The following PFKFB1 variants were observed in gnomAD, a reference collection of about 807,000 sequenced individuals.
The protein encoded by PFKFB1 is 6-phosphofructo-2-kinase/fructose-2,6-biphosphatase 1.
A neutral mutation model predicts 46.4 loss-of-function variants in PFKFB1; 34 were observed. The observed-to-expected ratio is 0.73, with a 90% confidence interval of 0.56 to 0.98. PFKFB1 has a LOEUF of 0.98. Ranked by LOEUF, PFKFB1 falls within the 50% of genes least tolerant of loss-of-function variation. The pLI is 0.00. For missense variants in PFKFB1, 393 were observed against 376.3 expected, an observed-to-expected ratio of 1.04 and a Z score of -0.37; for synonymous variants, 119 against 133.8, an observed-to-expected ratio of 0.89 and a Z score of 0.76.
chrX:54,950,357 C>T (rs1933934020), intron 8 of PFKFB1, among the ~76,000 whole-genome samples: 1 of 111,691 alleles, frequency 9.0e-6, no homozygotes, highest in East Asian at 2.8e-4. Flanking sequence ...GGCCTCATAT[C>T]CAAAGAGCAT....
chrX:54,994,432 G>A, upstream of PFKFB1: 1 of 753,451 alleles, frequency 1.3e-6, no homozygotes, highest in Non-Finnish European at 1.6e-6. Flanking sequence ...CTTACAGCCT[G>A]TGTGGGGTAT....
chrX:54,967,407 T>A (rs889284303), intron 1 of PFKFB1, among the ~76,000 whole-genome samples: 1 of 110,349 alleles, frequency 9.1e-6, no homozygotes, highest in Non-Finnish European at 1.9e-5. Flanking sequence ...GACATAGGCA[T>A]GGGCAAGGAC....
At chrX:54,952,445 A>T (rs1295654950) in intron 7 of PFKFB1, among the ~76,000 whole-genome samples, 1 of 111,228 alleles carries the variant, frequency 9.0e-6, no homozygotes, top group Non-Finnish European at 1.9e-5. Flanking sequence ...GTCAGAGAGA[A>T]GCAGTATCCT....
chrX:54,935,072 G>T, intron 11 of PFKFB1, 63 bp from the exon 12 acceptor site: 1 of 899,115 alleles, frequency 1.1e-6, no homozygotes, highest in Non-Finnish European at 1.6e-6. Flanking sequence ...GCCTCCCCAG[G>T]CCCCCAGGCT....
intron 1 of PFKFB1, among the ~76,000 whole-genome samples, chrX:54,983,445 G>T (rs1935044151): frequency 9.0e-6 from 1 of 111,532 alleles, no homozygotes; most frequent in African/African-American, 3.3e-5. Flanking sequence ...GTTCCTTTTA[G>T]GTTGCTAAGT....
At position 54,984,777 on chromosome X, in the gene PFKFB1, T is replaced by C. The variant is rs998400811; in HGVS notation, c.97+9134A>G. Among the ~76,000 whole-genome samples, 3 of 111,592 alleles carry C rather than the reference T, an allele frequency of 2.7e-5. No homozygotes were observed. In the South Asian group the frequency reaches 1.1e-3, roughly 42 times the overall value. On this transcript the variant is annotated intron_variant, in intron 1 of 13. Transcript: ENST00000375006. Reference sequence around the variant, plus strand: ...ATTTAGCATTCCCTTCAGCTCAGAATTGCAGAGGCTAAATTCCTGGCAAGT... The same window carrying C: ...ATTTAGCATTCCCTTCAGCTCAGAACTGCAGAGGCTAAATTCCTGGCAAGT...
rs1428051699 is a variant in PFKFB1 at position 54,964,931 on chromosome X, G to A, written c.98-1549C>T. Among the ~76,000 whole-genome samples, 12 of 110,931 alleles carry A rather than the reference G, an allele frequency of 1.1e-4. 1 individual carries two copies. Among genetic ancestry groups the A allele is most frequent in the South Asian group, 7.7e-4 (2 of 2,609 alleles). Reference sequence around the variant, plus strand: ...TTTGATGTGCTCATCAGTAGACTCCGCACAGCTGAGGCATCAGTGAACTTG... The same window carrying A: ...TTTGATGTGCTCATCAGTAGACTCCACACAGCTGAGGCATCAGTGAACTTG... On this transcript the variant is annotated intron_variant, in intron 1 of 13. Transcript: ENST00000375006.
At chrX:54,961,264 A>G (rs775664288) in intron 2 of PFKFB1, among the ~76,000 whole-genome samples, 30 of 110,904 alleles carry the variant, frequency 2.7e-4, no homozygotes, top group Admixed American at 9.6e-4. Flanking sequence ...ATAAATGCCA[A>G]TCCTTAAAAT....
upstream of PFKFB1, chrX:54,998,465 T>C (rs1935387591): frequency 8.8e-7 from 1 of 1,138,223 alleles, no homozygotes; most frequent in East Asian, 3.3e-5. Context: ...TTCTCTTGCA[T>C]TTACAGACCC....
intron 1 of PFKFB1, 80 bp from the exon 2 acceptor site, chrX:54,963,462 T>G: frequency 3.0e-6 from 3 of 1,006,942 alleles, no homozygotes; most frequent in Non-Finnish European, 4.1e-6. Flanking sequence ...TGTAGAGTTG[T>G]AAAGAACATG....
intron 8 of PFKFB1, among the ~76,000 whole-genome samples, chrX:54,950,364 G>A (rs1243731322): frequency 9.0e-6 from 1 of 111,633 alleles, no homozygotes; most frequent in Non-Finnish European, 1.9e-5. Context: ...TATCCAAAGA[G>A]CATTGTCTCA....
chrX:54,975,298 C>T (rs778362421), intron 1 of PFKFB1, among the ~76,000 whole-genome samples: 52 of 111,193 alleles, frequency 4.7e-4, no homozygotes, highest in African/African-American at 1.7e-3. Context: ...TACTACTCAG[C>T]CATAAAACAG....
chrX:54,975,125 G>T (rs1042559094), intron 1 of PFKFB1, among the ~76,000 whole-genome samples: 1 of 111,339 alleles, frequency 9.0e-6, no homozygotes, highest in Non-Finnish European at 1.9e-5. Context: ...AGGAAAGGAA[G>T]TGATTATATG....
chrX:54,954,998 C>A (rs1231163462), intron 7 of PFKFB1, among the ~76,000 whole-genome samples: 22 of 112,060 alleles, frequency 2.0e-4, no homozygotes, highest in Non-Finnish European at 5.6e-5. Context: ...AGGCTCCTTT[C>A]ACCATATGCT....
chrX:54,991,744 T>A (rs1935248615), intron 1 of PFKFB1, among the ~76,000 whole-genome samples: 1 of 110,971 alleles, frequency 9.0e-6, no homozygotes, highest in Middle Eastern at 4.2e-3. Context: ...AATTAGAAAC[T>A]AACCAAATGC....
chrX:54,977,382 C>T (rs1934866088), intron 1 of PFKFB1, among the ~76,000 whole-genome samples: 1 of 109,627 alleles, frequency 9.1e-6, no homozygotes, highest in South Asian at 3.9e-4. Flanking sequence ...TCTGAAACTA[C>T]CAGTGTAGTA....
At chrX:54,942,840 T>TA (rs1569546685) in intron 10 of PFKFB1, among the ~76,000 whole-genome samples, 5 of 111,514 alleles carry the variant, frequency 4.5e-5, no homozygotes. Context: ...ATTTCAGAAA[T>TA]AAAAAATAGT....
At chrX:54,941,630 A>G (rs759719400) in intron 10 of PFKFB1, among the ~76,000 whole-genome samples, 2 of 112,546 alleles carry the variant, frequency 1.8e-5, no homozygotes, top group East Asian at 5.6e-4. Context: ...CAGCCAAAAG[A>G]CACATGAAAA....
chrX:54,952,992 C>T (rs1230881973), intron 7 of PFKFB1, among the ~76,000 whole-genome samples: 1 of 111,295 alleles, frequency 9.0e-6, no homozygotes, highest in Admixed American at 9.6e-5. Context: ...TGAACTAATA[C>T]CTATATACTG....
Sources: gnomAD v4.1 joint callset for allele counts (sites outside exome capture counted in the v4.1 genomes callset) on GRCh38, gnomAD v4.1.1 for gene constraint, MANE v1.5 for transcripts, NCBI Gene and HGNC (gene_info 2026-07-23, HGNC 2026-07-21) for gene names.